ARL15: variants seen among roughly 807,000 people sequenced by gnomAD.
ARL15 encodes ARF like GTPase 15, also known as ADP-ribosylation factor-like protein 15.
ARL15 carries 19 observed loss-of-function variants against 25.2 expected under a neutral mutation model. The observed-to-expected ratio is 0.75, with a 90% CI of 0.53 to 1.10. The LOEUF is 1.10. Ranked by LOEUF, ARL15 falls within the 50% of genes least tolerant of loss-of-function variation. The pLI, the probability that ARL15 is intolerant of heterozygous loss-of-function variation, is 0.00. For synonymous variants in ARL15, 94 were observed against 86.8 expected (o/e 1.08, Z -0.46); for missense variants, 220 against 246.0 (o/e 0.89, Z 0.71).
chr5:54,131,330 C>T lies in ARL15; in HGVS notation c.254-17920G>A, dbSNP rs902912248. 2.6e-5 allele frequency among the ~76,000 whole-genome samples: 4 copies of T among 152,162 alleles called. No individual in the cohort carries two copies. The East Asian group carries it at 7.7e-4, about 29-fold the overall frequency. On this transcript the variant is annotated intron_variant, in intron 3 of 4. Transcript: ENST00000504924. The stretch of plus-strand genomic sequence containing the variant: ...TTTACACTGGTCAAAATGAACTGCT[C>T]GTGTTTTCCCCTTACACCCTTCATG...
At chr5:53,894,990 T>G (rs778188710) in intron 4 of ARL15, among the ~76,000 whole-genome samples, 1 of 152,218 alleles carries the variant, frequency 6.6e-6, no homozygotes, top group Non-Finnish European at 1.5e-5. Flanking sequence ...TTTACTTAAG[T>G]ATTATCTATG....
At chr5:54,253,932 G>A (rs1005038205) in intron 1 of ARL15, among the ~76,000 whole-genome samples, 8 of 152,210 alleles carry the variant, frequency 5.3e-5, no homozygotes, top group Admixed American at 2.0e-4. Context: ...TAAGAAACCA[G>A]TGAGATTATT....
rs1752799848 is a variant in ARL15, at chr5:54,113,391, T to C, written c.273A>G (p.Lys91=). Reference sequence around the variant, plus strand: ...ATCCTTGGTAGTAGCGGCTCCAGTATTTCCGGATGTTATCAGCCCCTGTCA... The same window carrying C: ...ATCCTTGGTAGTAGCGGCTCCAGTACTTCCGGATGTTATCAGCCCCTGTCA... ...KELGGADNIR[K]YWSRYYQGSQ... is the part of the protein sequence containing the mutation. The change falls in exon 4 of 5, where the codon AAA becomes AAG. Residue 91 remains lysine, a synonymous_variant. Transcript: ENST00000504924. The C allele has an allele frequency of 3.1e-6, 5 of 1,613,792 alleles. No individual in the cohort carries two copies. In the East Asian group the frequency reaches 8.9e-5, roughly 29 times the overall value.
chr5:54,146,450 G>A (rs945481471), intron 3 of ARL15, among the ~76,000 whole-genome samples: 3 of 152,150 alleles, frequency 2.0e-5, no homozygotes, highest in Non-Finnish European at 2.9e-5. Flanking sequence ...AGTTAAGTGC[G>A]CCCTGCCCAA....
intron 1 of ARL15, among the ~76,000 whole-genome samples, chr5:54,307,432 C>T (rs910422925): frequency 1.3e-5 from 2 of 152,052 alleles, no homozygotes; most frequent in African/African-American, 2.4e-5. Context: ...AGTCAGGCAC[C>T]GCACCAGGTG....
intron 1 of ARL15, among the ~76,000 whole-genome samples, chr5:54,279,076 ACAACT>A (rs1757990659): frequency 6.6e-6 from 1 of 152,212 alleles, no homozygotes; most frequent in African/African-American, 2.4e-5. Context: ...ACCAAAAAAA[ACAACT>A]CAGCTCAACA....
At chr5:54,001,486 A>C (rs749721287) in intron 4 of ARL15, among the ~76,000 whole-genome samples, 2 of 152,220 alleles carry the variant, frequency 1.3e-5, no homozygotes, top group Non-Finnish European at 2.9e-5. Context: ...ATAAAGTATC[A>C]ATCTCCTTAT....
At chr5:54,268,327 T>C (rs1483989146) in intron 1 of ARL15, among the ~76,000 whole-genome samples, 1 of 152,214 alleles carries the variant, frequency 6.6e-6, no homozygotes, top group Non-Finnish European at 1.5e-5. Context: ...TCAGCTCCTT[T>C]AAGCACTTCT....
intron 4 of ARL15, among the ~76,000 whole-genome samples, chr5:53,937,786 G>A (rs1746398340): frequency 1.3e-5 from 2 of 151,290 alleles, no homozygotes; most frequent in African/African-American, 4.9e-5. Flanking sequence ...CAACCATGAT[G>A]TGCCAAATCT....
At chr5:54,260,841 C>G (rs966429546) in intron 1 of ARL15, among the ~76,000 whole-genome samples, 2 of 152,172 alleles carry the variant, frequency 1.3e-5, no homozygotes, top group African/African-American at 4.8e-5. Flanking sequence ...CATATCAGCA[C>G]TTACATTCCT....
Position 54,184,320 on chromosome 5 carries a change from G to C in ARL15, c.49-12392C>G, listed in dbSNP as rs1755163658. On this transcript the variant is annotated intron_variant, in intron 1 of 4. Transcript: ENST00000504924. ...TAGCCAGGTGTGATGGTGTGCGCCT[G>C]TAGTCCCAGGTCCTGGGGAGGGTGA... is the stretch of plus-strand genomic sequence containing the variant. Among the ~76,000 whole-genome samples, 3 of 149,102 alleles carry C rather than the reference G, an allele frequency of 2.0e-5. 1 individual carries two copies. In the South Asian group the frequency reaches 6.4e-4, roughly 32 times the overall value.
chr5:53,993,137 G>A (rs568169038), intron 4 of ARL15, among the ~76,000 whole-genome samples: 32 of 152,168 alleles, frequency 2.1e-4, no homozygotes, highest in African/African-American at 7.5e-4. Context: ...AAGTAGAAAT[G>A]TGTCATTTCA....
At chr5:54,180,718 C>A (rs66541213) in intron 1 of ARL15, among the ~76,000 whole-genome samples, 20,961 of 152,246 alleles carry the variant, frequency 0.14, 1,839 homozygotes, top group Non-Finnish European at 0.21. Context: ...TCTGTCTTTG[C>A]CTTACCCTTT....
At chr5:54,091,993 T>G (rs1752141427) in intron 4 of ARL15, among the ~76,000 whole-genome samples, 1 of 151,650 alleles carries the variant, frequency 6.6e-6, no homozygotes, top group African/African-American at 2.4e-5. Context: ...CACATTCCTC[T>G]CCCTCTCCTG....
At position 54,310,504 on chromosome 5, in the gene ARL15, G is replaced by C. The variant is rs1758869450; in HGVS notation, c.-25C>G. Reference sequence around the variant, plus strand: ...TCCGGCAGCCTAAAGCATCCGGAACGGCTCCGAACCCGGAAAAAAAAAGCA... The same window carrying C: ...TCCGGCAGCCTAAAGCATCCGGAACCGCTCCGAACCCGGAAAAAAAAAGCA... On this transcript the variant is annotated 5_prime_UTR_variant, in exon 1 of 5. Coordinates refer to ENST00000504924, the MANE Select transcript of ARL15 (RefSeq NM_019087.3). 1.3e-6 allele frequency: 2 copies of C among 1,589,830 alleles called. No homozygotes were observed. The highest frequency in any genetic ancestry group is 8.6e-7 in the Non-Finnish European group (1 of 1,169,044).
At chr5:54,135,189 G>A (rs186094428) in intron 3 of ARL15, among the ~76,000 whole-genome samples, 2 of 152,270 alleles carry the variant, frequency 1.3e-5, no homozygotes, top group Non-Finnish European at 1.5e-5. Flanking sequence ...AACACAATGG[G>A]AAAGACATGA....
At chr5:54,111,885 T>A (rs1719462665) in intron 4 of ARL15, among the ~76,000 whole-genome samples, 1 of 152,144 alleles carries the variant, frequency 6.6e-6, no homozygotes. Context: ...TTAAAAGATT[T>A]ACAAACTAAG....
intron 4 of ARL15, among the ~76,000 whole-genome samples, chr5:54,107,217 A>G (rs1489293374): frequency 1.3e-5 from 2 of 152,166 alleles, no homozygotes; most frequent in African/African-American, 4.8e-5. Flanking sequence ...ACTGGCCCCC[A>G]CGATTCAATT....
intron 1 of ARL15, among the ~76,000 whole-genome samples, chr5:54,180,327 T>TTG (rs773472972): frequency 3.3e-5 from 5 of 152,118 alleles, no homozygotes; most frequent in Non-Finnish European, 2.9e-5. Context: ...ATCTTTCTAG[T>TTG]TGTAAGAAGA....
Sources: gnomAD v4.1 joint callset for allele counts (sites outside exome capture counted in the v4.1 genomes callset) on GRCh38, gnomAD v4.1.1 for gene constraint, MANE v1.5 for transcripts, NCBI Gene and HGNC (gene_info 2026-07-23, HGNC 2026-07-21) for gene names.